CEBPZOS: variants seen among roughly 807,000 people sequenced by gnomAD.
The protein encoded by CEBPZOS is protein CEBPZOS.
CEBPZOS carries 10 observed loss-of-function variants against 4.8 expected under a neutral mutation model. The ratio of observed to expected loss-of-function variants is 2.07; its 90% confidence interval spans 1.28 to 3.52. The LOEUF (loss-of-function observed/expected upper bound fraction) is 3.52, where lower values mean the gene tolerates loss of function less well. Ranked by LOEUF, CEBPZOS falls within the 30% of genes most tolerant of loss-of-function variation. The probability of loss-of-function intolerance (pLI) is 0.00; values close to 1 mark genes in which losing one functional copy is unlikely to be tolerated. For missense variants in CEBPZOS, 98 were observed against 43.6 expected, an observed-to-expected ratio of 2.25 and a Z score of -3.51; for synonymous variants, 25 against 14.2, an observed-to-expected ratio of 1.77 and a Z score of -1.72.
At chr2:37,207,509 A>G, downstream of CEBPZOS, among the ~76,000 whole-genome samples, 1 of 152,204 alleles carries the variant, frequency 6.6e-6, no homozygotes, top group Non-Finnish European at 1.5e-5. Flanking sequence ...AACCCTCAAA[A>G]CTATATACAA....
rs1427295813 is a variant in CEBPZOS, at chr2:37,203,624, TA to T, written c.*1766del. The T allele has an allele frequency of 6.6e-6, 1 of 152,246 alleles. No individual in the cohort carries two copies. The highest frequency in any genetic ancestry group is 1.5e-5 in the Non-Finnish European group (1 of 68,038). The allele number at this position is 152,246 out of a possible 1,614,324, so 9.4% of individuals were successfully genotyped here. ...TAACATTCAGCTGTTTTAAGTGTAT[TA>T]ACGCATTTTGGTAAATTTACAGACT... On this transcript the variant is annotated 3_prime_UTR_variant, in exon 5 of 5. Transcript: ENST00000402297.
At chr2:37,206,970 C>T (rs1008229477), downstream of CEBPZOS, among the ~76,000 whole-genome samples, 5 of 152,048 alleles carry the variant, frequency 3.3e-5, no homozygotes, top group Non-Finnish European at 7.4e-5. Context: ...ATATTCCATG[C>T]AAATGGAAAC....
chr2:37,202,980 A>C lies in CEBPZOS; in HGVS notation c.*1120A>C. 1 of 1,555,488 alleles carries C rather than the reference A, an allele frequency of 6.4e-7. No homozygotes were observed. The highest frequency in any genetic ancestry group is 8.7e-7 in the Non-Finnish European group (1 of 1,154,390). On this transcript the variant is annotated 3_prime_UTR_variant, in exon 5 of 5. Coordinates refer to ENST00000402297, the MANE Select transcript of CEBPZOS (RefSeq NM_001322374.2). ...CAGCAGATACAAATAGGCTGGAATC[A>C]TTTAAGTTTCTTTTCTTTTTTCTTG...
At chr2:37,198,248 T>C (rs1026494383) in intron 1 of CEBPZOS, among the ~76,000 whole-genome samples, 4 of 152,150 alleles carry the variant, frequency 2.6e-5, no homozygotes, top group Admixed American at 6.5e-5. Flanking sequence ...AGCATTGTAG[T>C]GAATGGAGCA....
intron 2 of CEBPZOS, among the ~76,000 whole-genome samples, chr2:37,200,040 T>A (rs945917343): frequency 6.6e-6 from 1 of 152,202 alleles, no homozygotes; most frequent in African/African-American, 2.4e-5. Flanking sequence ...GGAAAAAATT[T>A]CATACCTCCA....
At chr2:37,213,823 A>G (rs376248607), downstream of CEBPZOS, 4 of 1,319,882 alleles carry the variant, frequency 3.0e-6, no homozygotes, top group South Asian at 1.2e-5. Flanking sequence ...ATTAACACAT[A>G]GTAGTAGATT....
intron 1 of CEBPZOS, among the ~76,000 whole-genome samples, chr2:37,197,974 A>T (rs575986075): frequency 6.6e-6 from 1 of 152,314 alleles, no homozygotes; most frequent in Admixed American, 6.5e-5. Flanking sequence ...CACCCTGGGC[A>T]ACAGGGTGAA....
chr2:37,213,070 AAAC>A (rs1677778963), intron 4 of CEBPZOS, among the ~76,000 whole-genome samples: 1 of 151,994 alleles, frequency 6.6e-6, no homozygotes, highest in Admixed American at 6.6e-5. Flanking sequence ...ACCCCCCAAA[AAAC>A]AACAACAAAA....
At chr2:37,206,118 A>C (rs1002308807), downstream of CEBPZOS, among the ~76,000 whole-genome samples, 6 of 152,202 alleles carry the variant, frequency 3.9e-5, no homozygotes, top group Non-Finnish European at 1.5e-5. Flanking sequence ...GGAGAGAACA[A>C]AACAAAGAGG....
Position 37,202,119 on chromosome 2 carries a change from C to A in CEBPZOS, c.*259C>A. 18 of 294,296 alleles carry A rather than the reference C, an allele frequency of 6.1e-5. No individual in the cohort carries two copies. The highest frequency in any genetic ancestry group is 8.7e-5 in the Non-Finnish European group (14 of 160,728). The allele number at this position is 294,296 out of a possible 1,614,324, so 18.2% of individuals were successfully genotyped here. ...GAAATGACTAAGGAAGGAAAAGAAA[C>A]AAATGCTCTAAAGATTTTCTCTCCC... On this transcript the variant is annotated 3_prime_UTR_variant, in exon 5 of 5. Coordinates refer to ENST00000402297, the MANE Select transcript of CEBPZOS (RefSeq NM_001322374.2).
chr2:37,214,039 C>T, downstream of CEBPZOS: 1 of 667,514 alleles, frequency 1.5e-6, no homozygotes, highest in Non-Finnish European at 2.3e-6. Context: ...CACCTATGAC[C>T]AGTGGCAAAC....
Position 37,199,974 on chromosome 2 carries a change from T to C in CEBPZOS, c.115+155T>C, listed in dbSNP as rs184000009. 2.6e-5 allele frequency among the ~76,000 whole-genome samples: 4 copies of C among 152,286 alleles called. No homozygotes were observed. The East Asian group carries it at 7.7e-4, about 29-fold the overall frequency. On this transcript the variant is annotated intron_variant, in intron 2 of 4. Transcript: ENST00000402297. The stretch of plus-strand genomic sequence containing the variant: ...GGCAGAACAGGAATCAAAGTATTCA[T>C]TATTGTGGACTAGATCACTCTCACT...
chr2:37,215,077 A>G (rs1427422840), downstream of CEBPZOS: 1 of 663,618 alleles, frequency 1.5e-6, no homozygotes, highest in East Asian at 2.8e-5. Flanking sequence ...GGGAAGGTAG[A>G]CAGAAGGGAC....
At chr2:37,212,076 A>G (rs368268123) in intron 4 of CEBPZOS, 93 of 1,532,594 alleles carry the variant, frequency 6.1e-5, no homozygotes, top group Non-Finnish European at 7.6e-5. Flanking sequence ...AAGAGGAGGC[A>G]GTATTTTCTA....
intron 4 of CEBPZOS, chr2:37,211,861 C>G (rs1677730187): frequency 6.2e-7 from 1 of 1,602,146 alleles, no homozygotes; most frequent in South Asian, 1.1e-5. Flanking sequence ...CTCTCACTTT[C>G]ATCATCTAAC....
At position 37,199,690 on chromosome 2, in the gene CEBPZOS, G is replaced by C. The variant is rs71437572; in HGVS notation, c.-1-14G>C. ...TGTTCATTCAGGTTTACACATATCT[G>C]TTGTTAAATTTAGGATGGCCCGTAC... On this transcript the variant is annotated splice_polypyrimidine_tract_variant and intron_variant, in intron 1 of 4. Transcript: ENST00000402297. The C allele has an allele frequency of 6.2e-3, 4,471 of 715,610 alleles. 16 individuals carry two copies. Among genetic ancestry groups the C allele is most frequent in the Non-Finnish European group, 9.2e-3 (3,532 of 384,234 alleles). 44.3% of individuals were successfully genotyped at this position (715,610 alleles called of 1,614,324 possible).
Position 37,199,762 on chromosome 2 carries a change from G to T in CEBPZOS, c.58G>T (p.Glu20Ter). ...GATCTTTAAAGGAGTTTTGGTAGCC[G>T]AACTTGTAGGCGTTTTTGGAGCATA... ...KKIFKGVLVAELVGVFGAYFL... is the reference protein window; with the variant it reads ...KKIFKGVLVA The change falls in exon 2 of 5, where the codon GAA becomes TAA. Residue 20 changes from glutamate to a stop codon, truncating the protein, a stop_gained. Coordinates refer to ENST00000402297, the MANE Select transcript of CEBPZOS (RefSeq NM_001322374.2). LOFTEE classifies it high-confidence loss of function. The T allele has an allele frequency of 1.4e-6, 1 of 717,546 alleles. No homozygotes were observed. Among genetic ancestry groups the T allele is most frequent in the South Asian group, 1.5e-5 (1 of 67,594 alleles). The allele number at this position is 717,546 out of a possible 1,614,324, so 44.4% of individuals were successfully genotyped here.
At position 37,199,785 on chromosome 2, in the gene CEBPZOS, A is replaced by G. The variant is rs1370814834; in HGVS notation, c.81A>G (p.Ala27=). 3 of 717,534 alleles carry G rather than the reference A, an allele frequency of 4.2e-6. No individual in the cohort carries two copies. Among genetic ancestry groups the G allele is most frequent in the Non-Finnish European group, 7.8e-6 (3 of 385,118 alleles). The allele number at this position is 717,534 out of a possible 1,614,324, so 44.4% of individuals were successfully genotyped here. ...CCGAACTTGTAGGCGTTTTTGGAGC[A>G]TATTTTTTGTTTAGCAAGATGCACA... ...LVAELVGVFG[A]YFLFSKMHTS... The change falls in exon 2 of 5, where the codon GCA becomes GCG. Residue 27 remains alanine, a synonymous_variant. Transcript: ENST00000402297.
At chr2:37,206,888 A>C (rs1677557039), downstream of CEBPZOS, among the ~76,000 whole-genome samples, 1 of 152,234 alleles carries the variant, frequency 6.6e-6, no homozygotes, top group African/African-American at 2.4e-5. Context: ...CCAACCAAGA[A>C]TCTGCTGTGT....
Sources: allele counts gnomAD v4.1 joint callset (sites outside exome capture counted in the v4.1 genomes callset), GRCh38; gene constraint gnomAD v4.1.1; transcripts MANE v1.5; gene names NCBI Gene and HGNC (gene_info 2026-07-23, HGNC 2026-07-21).